SCG5: variants seen among roughly 807,000 people sequenced by gnomAD.
The protein encoded by SCG5 is secretogranin V.
A neutral mutation model predicts 25.7 loss-of-function variants in SCG5; 18 were observed. The observed-to-expected ratio is 0.70, with a 90% confidence interval of 0.48 to 1.04. The LOEUF (loss-of-function observed/expected upper bound fraction) is 1.04. Ranked by LOEUF, SCG5 falls within the 50% of genes least tolerant of loss-of-function variation. The probability of loss-of-function intolerance (pLI) is 0.00; values close to 1 mark genes in which losing one functional copy is unlikely to be tolerated. For synonymous variants in SCG5, 101 were observed against 91.7 expected, an observed-to-expected ratio of 1.10 and a Z score of -0.58; for missense variants, 206 against 259.8, an observed-to-expected ratio of 0.79 and a Z score of 1.42.
At chr15:32,649,002 C>T (rs1342531897) in intron 2 of SCG5, among the ~76,000 whole-genome samples, 3 of 152,164 alleles carry the variant, frequency 2.0e-5, no homozygotes, top group African/African-American at 4.8e-5. Flanking sequence ...GTGATCCTCC[C>T]GCCTTGGCCT....
chr15:32,659,114 G>T (rs1052988916), intron 2 of SCG5, among the ~76,000 whole-genome samples: 38 of 152,140 alleles, frequency 2.5e-4, no homozygotes, highest in African/African-American at 8.9e-4. Flanking sequence ...AGGCGGAGCT[G>T]GCAGTGAGCC....
chr15:32,678,169 G>T (rs1445035628), intron 2 of SCG5, among the ~76,000 whole-genome samples: 1 of 152,136 alleles, frequency 6.6e-6, no homozygotes, highest in Non-Finnish European at 1.5e-5. Context: ...CATTTAGAAG[G>T]ATAAGAAGAA....
intron 3 of SCG5, among the ~76,000 whole-genome samples, chr15:32,682,437 A>C (rs1253805303): frequency 6.6e-6 from 1 of 152,198 alleles, no homozygotes; most frequent in Non-Finnish European, 1.5e-5. Flanking sequence ...AATGCCTCCA[A>C]AGAGCATACA....
intron 5 of SCG5, among the ~76,000 whole-genome samples, chr15:32,694,638 G>A (rs1012655957): frequency 5.9e-5 from 9 of 152,166 alleles, no homozygotes; most frequent in Non-Finnish European, 1.0e-4. Flanking sequence ...ATTGATAAAA[G>A]GAATTTTTAT....
intron 1 of SCG5, among the ~76,000 whole-genome samples, chr15:32,643,247 A>G (rs1303760468): frequency 6.6e-6 from 1 of 152,180 alleles, no homozygotes. Context: ...TTTTAGTAAG[A>G]GAGGGAGAGA....
chr15:32,648,340 C>T (rs1298871023), intron 2 of SCG5, among the ~76,000 whole-genome samples: 5 of 152,122 alleles, frequency 3.3e-5, no homozygotes, highest in Admixed American at 6.5e-5. Context: ...GTTTTGAAAT[C>T]GCCTCCTAAC....
chr15:32,644,614 T>C (rs981636032), intron 2 of SCG5, among the ~76,000 whole-genome samples: 2 of 152,176 alleles, frequency 1.3e-5, no homozygotes, highest in African/African-American at 4.8e-5. Context: ...GTTAGACAGA[T>C]TCCTTATTTC....
intron 3 of SCG5, among the ~76,000 whole-genome samples, chr15:32,681,125 C>A (rs903587899): frequency 6.6e-6 from 1 of 152,134 alleles, no homozygotes; most frequent in Non-Finnish European, 1.5e-5. Flanking sequence ...AATAATGCAC[C>A]TCTTACCTTG....
intron 2 of SCG5, among the ~76,000 whole-genome samples, chr15:32,669,657 C>T (rs549934321): frequency 6.6e-6 from 1 of 152,238 alleles, no homozygotes; most frequent in African/African-American, 2.4e-5. Flanking sequence ...AGTGCTATTG[C>T]AAATTACCTA....
Position 32,684,621 on chromosome 15 carries a change from C to T in SCG5, c.441C>T (p.His147=). 2 of 1,613,802 alleles carry T rather than the reference C, an allele frequency of 1.2e-6. No individual in the cohort carries two copies. Among genetic ancestry groups the T allele is most frequent in the African/African-American group, 1.3e-5 (1 of 75,038 alleles). ...TAEFSREFQL[H]QHLFDPEHDY... is the part of the protein sequence containing the mutation. ...AGTTCAGTCGAGAGTTCCAGTTGCA[C>T]CAGCATCTCTTTGATCCGGAACATG... Residue 147 remains histidine (H), a synonymous_variant, in exon 4 of 6, where the codon CAC becomes CAT. Transcript: ENST00000300175.
At chr15:32,672,570 G>A (rs2054448808) in intron 2 of SCG5, among the ~76,000 whole-genome samples, 1 of 152,198 alleles carries the variant, frequency 6.6e-6, no homozygotes, top group Non-Finnish European at 1.5e-5. Context: ...GAGATCCCCT[G>A]AGTGACCTGG....
chr15:32,654,483 T>C (rs894498870), intron 2 of SCG5, among the ~76,000 whole-genome samples: 1 of 152,210 alleles, frequency 6.6e-6, no homozygotes, highest in Non-Finnish European at 1.5e-5. Context: ...ACCCCGGTGT[T>C]TTCCTCTTCT....
chr15:32,692,354 C>T lies in SCG5; in HGVS notation c.543+591C>T. On this transcript the variant is annotated intron_variant, in intron 5 of 5. Coordinates refer to ENST00000300175, the MANE Select transcript of SCG5 (RefSeq NM_001144757.3). ...TACTGCAGGCTTAGTTTTTAACCAT[C>T]CCAGGGCTGCCCAAGGTAGGAACTT... 3 of 845,392 alleles carry T rather than the reference C, an allele frequency of 3.5e-6. No individual in the cohort carries two copies. In the South Asian group the frequency reaches 1.6e-4, roughly 46 times the overall value. 52.4% of individuals were successfully genotyped at this position (845,392 alleles called of 1,614,324 possible). A position where few individuals can be genotyped will look rare whatever the true frequency, so the allele number is the denominator to read the frequency against.
intron 2 of SCG5, among the ~76,000 whole-genome samples, chr15:32,655,379 C>T (rs988884123): frequency 6.6e-6 from 1 of 152,136 alleles, no homozygotes; most frequent in Non-Finnish European, 1.5e-5. Context: ...ATGAATTGGT[C>T]CACTTCCGTG....
At chr15:32,675,930 G>A (rs749699817) in intron 2 of SCG5, among the ~76,000 whole-genome samples, 12 of 152,180 alleles carry the variant, frequency 7.9e-5, no homozygotes, top group Non-Finnish European at 1.5e-4. Context: ...AGTGCAGTAA[G>A]ATAGTTAAGG....
At chr15:32,696,436 A>G in intron 5 of SCG5, 78 bp from the exon 6 acceptor site, 1 of 1,068,990 alleles carries the variant, frequency 9.4e-7, no homozygotes, top group Non-Finnish European at 1.4e-6. Context: ...ATTCTTGTTC[A>G]TTTCTTTTCT....
At chr15:32,644,834 T>G (rs775287661) in intron 2 of SCG5, among the ~76,000 whole-genome samples, 3 of 152,240 alleles carry the variant, frequency 2.0e-5, no homozygotes, top group Non-Finnish European at 4.4e-5. Flanking sequence ...AGATTGATTA[T>G]GCACTATTTT....
intron 2 of SCG5, among the ~76,000 whole-genome samples, chr15:32,655,171 G>C (rs375830998): frequency 6.4e-4 from 97 of 152,234 alleles, no homozygotes; most frequent in African/African-American, 2.2e-3. Context: ...AGCTGGACGT[G>C]GTGGCGGGCA....
intron 2 of SCG5, among the ~76,000 whole-genome samples, chr15:32,661,367 C>G (rs1035717553): frequency 6.6e-6 from 1 of 152,204 alleles, no homozygotes; most frequent in Non-Finnish European, 1.5e-5. Context: ...TGCCTGTAAT[C>G]CCAGCACTTT....
Sources: gnomAD v4.1 joint callset for allele counts (sites outside exome capture counted in the v4.1 genomes callset) on GRCh38, gnomAD v4.1.1 for gene constraint, MANE v1.5 for transcripts, NCBI Gene and HGNC (gene_info 2026-07-23, HGNC 2026-07-21) for gene names.